The following SMC4 variants were observed in gnomAD, a reference collection of about 807,000 sequenced individuals.
The protein encoded by SMC4 is structural maintenance of chromosomes protein 4.
SMC4 carries 87 observed loss-of-function variants against 145.6 expected under a neutral mutation model. The ratio of observed to expected loss-of-function variants is 0.60; its 90% CI spans 0.50 to 0.71. The LOEUF is 0.71. SMC4 is among the 30% of genes least tolerant of loss of function. The probability of loss-of-function intolerance (pLI) is 0.00; values close to 1 mark genes in which losing one functional copy is unlikely to be tolerated. For synonymous variants in SMC4, 558 were observed against 500.7 expected, an observed-to-expected ratio of 1.11 and a Z score of -1.53; for missense variants, 1,447 against 1,537.1, an observed-to-expected ratio of 0.94 and a Z score of 0.98.
At position 160,431,812 on chromosome 3, in the gene SMC4, A is replaced by C. The variant is rs761003360; in HGVS notation, c.3284A>C (p.Glu1095Ala). 2.5e-6 allele frequency: 4 copies of C among 1,612,092 alleles called. No individual in the cohort carries two copies. The highest frequency in any genetic ancestry group is 3.4e-6 in the Non-Finnish European group (4 of 1,179,602). ...EMKPNLGAIA[E>A]YKKKEELYLQ... Reference sequence around the variant, plus strand: ...AAACCAAACCTCGGTGCCATCGCAGAGTATAAAAAGAAGGTATGAATGAAC... The same window carrying C: ...AAACCAAACCTCGGTGCCATCGCAGCGTATAAAAAGAAGGTATGAATGAAC... The change falls in exon 21 of 24, where the codon GAG becomes GCG. Residue 1095 changes from glutamate (E) to alanine (A), a missense_variant. Glu to Ala is a moderately radical substitution (Grantham distance 107). Transcript: ENST00000357388.
intron 5 of SMC4, chr3:160,404,827 G>A (rs1296952376): frequency 1.9e-6 from 1 of 514,290 alleles, no homozygotes; most frequent in Admixed American, 2.2e-5. Flanking sequence ...TAGTGTGACA[G>A]GGATACAGCA....
At chr3:160,426,745 C>G (rs926030695) in intron 17 of SMC4, among the ~76,000 whole-genome samples, 18 of 152,184 alleles carry the variant, frequency 1.2e-4, no homozygotes, top group Admixed American at 4.6e-4. Flanking sequence ...ATCCCCTGAT[C>G]ATGCACTTGA....
In SMC4 at chr3:160,423,519, G is replaced by A. The variant is rs776113181; in HGVS notation, c.2114G>A (p.Arg705His). ...DLVKVKDEKI[R>H]QAFYFALRDT... ...GTAAAAGTAAAAGATGAGAAAATTC[G>A]CCAAGCTTTTTATTTTGCTTTACGA... The change falls in exon 14 of 24, where the codon CGC (arginine) becomes CAC (histidine). Residue 705 changes from arginine (R) to histidine (H), a missense_variant. Coordinates refer to ENST00000357388, the MANE Select transcript of SMC4 (RefSeq NM_001002800.3). 1.2e-5 allele frequency: 19 copies of A among 1,613,420 alleles called. No individual in the cohort carries two copies. The highest frequency in any genetic ancestry group is 1.7e-4 in the Middle Eastern group (1 of 6,056).
intron 13 of SMC4, 52 bp from the exon 14 acceptor site, chr3:160,423,373 G>GTTTTATTTTT: frequency 1.5e-6 from 1 of 651,762 alleles, no homozygotes; most frequent in Non-Finnish European, 2.2e-6. Context: ...TTTTTTTTGA[G>GTTTTATTTTT]TTTTCTTTTT....
chr3:160,420,941 T>C, intron 13 of SMC4, 40 bp downstream of exon 13: 1 of 1,548,408 alleles, frequency 6.5e-7, no homozygotes, highest in Non-Finnish European at 8.7e-7. Flanking sequence ...TGGAATTTTT[T>C]TTTTTTGAGA....
In SMC4 at chr3:160,417,852, G is replaced by C; in HGVS notation, c.1567G>C (p.Ala523Pro). The part of the protein sequence containing the change: ...HNTAVSQLTK[A>P]KEALIAASET... The stretch of plus-strand genomic sequence containing the variant: ...TACTGCAGTGTCTCAATTAACTAAG[G>C]CTAAGGAAGCTCTAATTGCAGCTTC... Residue 523 changes from alanine (A) to proline (P), a missense_variant, in exon 11 of 24, where the codon GCT becomes CCT. Ala to Pro is a conservative substitution (Grantham distance 27). Transcript: ENST00000357388. 5.0e-6 allele frequency: 8 copies of C among 1,613,712 alleles called. No homozygotes were observed. The highest frequency in any genetic ancestry group is 5.9e-6 in the Non-Finnish European group (7 of 1,179,804).
intron 2 of SMC4, among the ~76,000 whole-genome samples, chr3:160,401,266 G>A (rs1714609853): frequency 6.6e-6 from 1 of 151,936 alleles, no homozygotes; most frequent in Non-Finnish European, 1.5e-5. Context: ...TTGTATTCCC[G>A]CTAAAATCGA....
At chr3:160,407,717 G>T (rs1419776515) in intron 5 of SMC4, among the ~76,000 whole-genome samples, 4 of 152,034 alleles carry the variant, frequency 2.6e-5, no homozygotes, top group Admixed American at 2.0e-4. Flanking sequence ...TTAGTCTGTA[G>T]AAATGAGCCT....
rs754698037 is a variant in SMC4 at position 160,416,331 on chromosome 3, G to C, written c.1353G>C (p.Lys451Asn). ...ETTTRNNALE[K>N]EKEKEEKKLK... is the part of the protein sequence containing the mutation. ...CAACCAGAAACAATGCCCTCGAGAA[G>C]GAAAAAGAGAAAGAAGAAAAAAAAT... Residue 451 changes from lysine (K) to asparagine (N), a missense_variant, in exon 10 of 24, where the codon AAG (lysine) becomes AAC (asparagine). Transcript: ENST00000357388. The C allele has an allele frequency of 1.6e-5, 26 of 1,602,148 alleles. No homozygotes were observed. Among genetic ancestry groups the C allele is most frequent in the Non-Finnish European group, 2.0e-5 (24 of 1,174,496 alleles).
intron 9 of SMC4, among the ~76,000 whole-genome samples, chr3:160,415,466 G>A (rs756778067): frequency 2.0e-5 from 3 of 151,326 alleles, no homozygotes; most frequent in Non-Finnish European, 3.0e-5. Flanking sequence ...CCCCAGCCCC[G>A]CAAAAAAAAA....
intron 9 of SMC4, 37 bp downstream of exon 9, chr3:160,414,554 T>C: frequency 6.4e-7 from 1 of 1,565,686 alleles, no homozygotes; most frequent in Non-Finnish European, 8.7e-7. Flanking sequence ...ATTTCACGTC[T>C]GAATATCATA....
intron 17 of SMC4, among the ~76,000 whole-genome samples, chr3:160,427,561 T>TATA (rs1372454620): frequency 1.3e-5 from 2 of 152,204 alleles, no homozygotes; most frequent in South Asian, 2.1e-4. Context: ...AGAGTCTATA[T>TATA]GTGTTTCATC....
In SMC4 at chr3:160,433,753, A is replaced by G. The variant is rs376451014; in HGVS notation, c.3811A>G (p.Ile1271Val). Residue 1271 changes from isoleucine to valine, a missense_variant, in exon 24 of 24, where the codon ATA (isoleucine) becomes GTA (valine). Transcript: ENST00000357388. The stretch of plus-strand genomic sequence containing the variant: ...TATTGGAATTTACAAGACATACAAC[A>G]TAACAAAAAGTGTTGCTGTAAATCC... Reference protein sequence around the residue: ...RLIGIYKTYNITKSVAVNPKE... With the variant: ...RLIGIYKTYNVTKSVAVNPKE... 10 of 1,601,628 alleles carry G rather than the reference A, an allele frequency of 6.2e-6. No homozygotes were observed. Among genetic ancestry groups the G allele is most frequent in the African/African-American group, 5.4e-5 (4 of 74,458 alleles).
At position 160,401,916 on chromosome 3, in the gene SMC4, G is replaced by C. The variant is rs1490073814; in HGVS notation, c.141G>C (p.Glu47Asp). The C allele has an allele frequency of 1.9e-6, 3 of 1,599,240 alleles. No homozygotes were observed. The highest frequency in any genetic ancestry group is 3.5e-5 in the Admixed American group (2 of 57,436). Residue 47 changes from glutamate (E) to aspartate (D), a missense_variant and splice_region_variant, in exon 3 of 24, where the codon GAG becomes GAC. By Grantham distance (45) the Glu-to-Asp change is conservative (BLOSUM62 2). Coordinates refer to ENST00000357388, the MANE Select transcript of SMC4 (RefSeq NM_001002800.3). ...TTTCCTTTCCTTTCACTGACTTAGAGACTGCAAGTGAGGAACTTGATAATA... is the reference window on the plus strand; with the variant it reads ...TTTCCTTTCCTTTCACTGACTTAGACACTGCAAGTGAGGAACTTGATAATA... ...GRTESPATAA[E>D]TASEELDNRS...
At position 160,425,019 on chromosome 3, in the gene SMC4, G is replaced by GGTGTGTGTGTGTGT. The variant is rs765128491; in HGVS notation, c.2478+2_2478+3insGTGTGTGTGTGTGT. 277 of 1,226,718 alleles carry GGTGTGTGTGTGTGT rather than the reference G, an allele frequency of 2.3e-4. No individual in the cohort carries two copies. Among genetic ancestry groups the GGTGTGTGTGTGTGT allele is most frequent in the Admixed American group, 5.0e-4 (22 of 44,192 alleles). 76.0% of individuals were successfully genotyped at this position (1,226,718 alleles called of 1,614,324 possible). A position where few individuals can be genotyped will look rare whatever the true frequency, so the allele number is the denominator to read the frequency against. ...TAGAAAAATTTACTGCAAGCATCCAGGTATGTGTGTGTGTGTGTGTGTGTG... is the reference window on the plus strand; with the variant it reads ...TAGAAAAATTTACTGCAAGCATCCAGGTGTGTGTGTGTGTGTATGTGTGTGTGTGTGTGTGTGTG... On this transcript the variant is annotated frameshift_variant and splice_region_variant. Transcript: ENST00000357388. LOFTEE classifies it high-confidence loss of function.
At chr3:160,421,914 C>CT (rs1449135184) in intron 13 of SMC4, among the ~76,000 whole-genome samples, 2 of 152,138 alleles carry the variant, frequency 1.3e-5, no homozygotes, top group African/African-American at 2.4e-5. Flanking sequence ...CTCCGTAACA[C>CT]TAACTACTTT....
intron 5 of SMC4, among the ~76,000 whole-genome samples, chr3:160,408,224 G>T (rs1337347343): frequency 6.6e-6 from 1 of 152,160 alleles, no homozygotes; most frequent in Non-Finnish European, 1.5e-5. Flanking sequence ...TTATAGCTAT[G>T]TACTGTTTGA....
intron 4 of SMC4, among the ~76,000 whole-genome samples, chr3:160,403,837 A>T (rs981691060): frequency 6.6e-5 from 10 of 152,038 alleles, no homozygotes; most frequent in African/African-American, 2.4e-4. Flanking sequence ...TTTAGTTGTT[A>T]TTTCTTTGTG....
In SMC4 at chr3:160,404,425, A is replaced by G. The variant is rs1715073510; in HGVS notation, c.608A>G (p.Lys203Arg). 2 of 1,612,310 alleles carry G rather than the reference A, an allele frequency of 1.2e-6. No individual in the cohort carries two copies. Among genetic ancestry groups the G allele is most frequent in the Admixed American group, 1.7e-5 (1 of 59,684 alleles). ...TCTGTCTATCACATAAGTGGAAAGAAAAAGACATTTAAGGATGTTGGAAAT... is the reference window on the plus strand; with the variant it reads ...TCTGTCTATCACATAAGTGGAAAGAGAAAGACATTTAAGGATGTTGGAAAT... ...NTSVYHISGK[K>R]KTFKDVGNLL... The change falls in exon 5 of 24, where the codon AAA becomes AGA. Residue 203 changes from lysine (K) to arginine (R), a missense_variant. By Grantham distance (26) the Lys-to-Arg change is conservative. Coordinates refer to ENST00000357388, the MANE Select transcript of SMC4 (RefSeq NM_001002800.3).
Sources: gnomAD v4.1 joint callset for allele counts (sites outside exome capture counted in the v4.1 genomes callset) on GRCh38, gnomAD v4.1.1 for gene constraint, MANE v1.5 for transcripts, NCBI Gene and HGNC (gene_info 2026-07-23, HGNC 2026-07-21) for gene names.